Variants in UBA3 observed in about 807,000 individuals in gnomAD.
UBA3 encodes NEDD8-activating enzyme E1 catalytic subunit.
Under a neutral mutation model 73.5 loss-of-function variants are expected in UBA3, and 26 were observed. The ratio of observed to expected loss-of-function variants is 0.35; its 90% CI spans 0.26 to 0.49. The LOEUF is 0.49. Among genes scored for constraint, UBA3 ranks in the 20% least tolerant of loss-of-function variants. The pLI is 0.98. For missense variants in UBA3, 495 were observed against 555.6 expected (o/e 0.89, Z 1.10); for synonymous variants, 217 against 191.2 (o/e 1.13, Z -1.11).
At chr3:69,059,589 A>T (rs1056805089) in intron 11 of UBA3, among the ~76,000 whole-genome samples, 1 of 152,180 alleles carries the variant, frequency 6.6e-6, no homozygotes, top group Admixed American at 6.5e-5. Context: ...CGGGAGTATT[A>T]AAGCTCTAAG....
At position 69,055,293 on chromosome 3, in the gene UBA3, G is replaced by T. The variant is rs2091963369; in HGVS notation, c.*144C>A. 1 of 491,440 alleles carries T rather than the reference G, an allele frequency of 2.0e-6. No homozygotes were observed. Among genetic ancestry groups the T allele is most frequent in the Non-Finnish European group, 3.5e-6 (1 of 285,454 alleles). 30.4% of individuals were successfully genotyped at this position (491,440 alleles called of 1,614,324 possible). A position where few individuals can be genotyped will look rare whatever the true frequency, so the allele number is the denominator to read the frequency against. On this transcript the variant is annotated 3_prime_UTR_variant, in exon 18 of 18. Coordinates refer to ENST00000361055, the MANE Select transcript of UBA3 (RefSeq NM_003968.4). Reference sequence around the variant, plus strand: ...ACCAAAATTCTGTCTTCAAGGGAAGGTTACAAAGTTAAAAAAGAGTGGTTC... The same window carrying T: ...ACCAAAATTCTGTCTTCAAGGGAAGTTTACAAAGTTAAAAAAGAGTGGTTC...
chr3:69,056,088 T>G, intron 15 of UBA3, 25 bp from the exon 16 acceptor site: 1 of 1,575,812 alleles, frequency 6.3e-7, no homozygotes, highest in Non-Finnish European at 8.6e-7. Context: ...GAGAGAGAAG[T>G]ATCAAACATA....
At chr3:69,056,550 A>C in intron 14 of UBA3, 62 bp downstream of exon 14, 1 of 1,409,074 alleles carries the variant, frequency 7.1e-7, no homozygotes, top group Non-Finnish European at 9.9e-7. Flanking sequence ...TCAAATTTCT[A>C]ACCAATAATA....
intron 8 of UBA3, 88 bp downstream of exon 8, chr3:69,063,351 T>A (rs1016959416): frequency 1.6e-5 from 22 of 1,409,650 alleles, no homozygotes; most frequent in Admixed American, 2.4e-5. Context: ...AAACTCTGAT[T>A]TTTCAAAAAT....
intron 2 of UBA3, among the ~76,000 whole-genome samples, chr3:69,078,171 G>C (rs1041375383): frequency 1.3e-5 from 2 of 151,856 alleles, no homozygotes; most frequent in African/African-American, 2.4e-5. Flanking sequence ...ACATGTTTTT[G>C]GTTTCCTAAA....
At chr3:69,065,554 TG>T (rs1168277240) in intron 6 of UBA3, among the ~76,000 whole-genome samples, 2 of 152,170 alleles carry the variant, frequency 1.3e-5, no homozygotes, top group Non-Finnish European at 2.9e-5. Flanking sequence ...CTGATCTTCC[TG>T]CCTCAGCCTC....
rs145973957 is a variant in UBA3 at position 69,065,663 on chromosome 3, A to G, written c.429-1552T>C. 2.1e-3 allele frequency among the ~76,000 whole-genome samples: 316 copies of G among 152,268 alleles called. 1 individual carries two copies. The highest frequency in any genetic ancestry group is 7.4e-3 in the African/African-American group (309 of 41,536). On this transcript the variant is annotated intron_variant, in intron 6 of 17. Transcript: ENST00000361055. ...TCATTTGTTGCCTAGGCTGTTCTCAAACAACCAGGCTCAAGTGATCTTCCC... is the reference window on the plus strand; with the variant it reads ...TCATTTGTTGCCTAGGCTGTTCTCAGACAACCAGGCTCAAGTGATCTTCCC...
At chr3:69,064,937 G>A (rs999485787) in intron 6 of UBA3, among the ~76,000 whole-genome samples, 6 of 152,118 alleles carry the variant, frequency 3.9e-5, no homozygotes, top group Non-Finnish European at 7.4e-5. Context: ...ATAGAAAAAA[G>A]GGACAATACA....
chr3:69,070,801 C>A (rs2092115994), intron 5 of UBA3, among the ~76,000 whole-genome samples: 1 of 152,006 alleles, frequency 6.6e-6, no homozygotes, highest in Admixed American at 6.5e-5. Flanking sequence ...CACAGGTGCA[C>A]ACCCGGCTAA....
chr3:69,055,926 A>C (rs375395014), intron 16 of UBA3, 21 bp from the exon 17 acceptor site: 2 of 1,605,496 alleles, frequency 1.2e-6, no homozygotes, highest in African/African-American at 2.7e-5. Flanking sequence ...AAATTACTTT[A>C]ATGTAAGACA....
intron 6 of UBA3, among the ~76,000 whole-genome samples, chr3:69,065,289 T>C (rs538024754): frequency 1.3e-5 from 2 of 152,196 alleles, no homozygotes; most frequent in Admixed American, 1.3e-4. Flanking sequence ...ATTTGCATTT[T>C]TAAGCTCTTT....
chr3:69,055,654 A>G, intron 17 of UBA3, 129 bp from the exon 18 acceptor site: 1 of 879,018 alleles, frequency 1.1e-6, no homozygotes, highest in Non-Finnish European at 1.7e-6. Flanking sequence ...TAATCAAAGT[A>G]ATATTTGATT....
At chr3:69,077,748 T>A in intron 3 of UBA3, 50 bp downstream of exon 3, 1 of 1,517,768 alleles carries the variant, frequency 6.6e-7, no homozygotes, top group African/African-American at 1.4e-5. Flanking sequence ...TCTATTAGTT[T>A]TGAAACATAA....
Position 69,061,741 on chromosome 3 carries a change from C to G in UBA3, c.910+73G>C, listed in dbSNP as rs113630852. 8 of 937,790 alleles carry G rather than the reference C, an allele frequency of 8.5e-6. No individual in the cohort carries two copies. The East Asian group carries it at 1.7e-4, about 20-fold the overall frequency. The allele number at this position is 937,790 out of a possible 1,614,324, so 58.1% of individuals were successfully genotyped here. ...GATGGTACTGTCTAAACTCACTTAT[C>G]GATTATTCTCCTGAAAGCATCCCAG... On this transcript the variant is annotated intron_variant, in intron 11 of 17. Transcript: ENST00000361055.
chr3:69,072,930 G>A (rs184237465), intron 4 of UBA3, among the ~76,000 whole-genome samples: 63 of 152,212 alleles, frequency 4.1e-4, no homozygotes, highest in Non-Finnish European at 6.6e-4. Flanking sequence ...AGCTAATCCT[G>A]TTGATTCCAT....
Position 69,061,881 on chromosome 3 carries a change from A to T in UBA3, c.843T>A (p.Ile281=), listed in dbSNP as rs151227163. Residue 281 remains isoleucine, a synonymous_variant, in exon 11 of 18, where the codon ATT becomes ATA. Transcript: ENST00000361055. ...DGDDPEHIQW[I]FQKSLERASQ... Reference sequence around the variant, plus strand: ...ATGCTCTCTCTAGGGATTTTTGGAAAATCCATTGTATATGTTCAGGATCAT... The same window carrying T: ...ATGCTCTCTCTAGGGATTTTTGGAATATCCATTGTATATGTTCAGGATCAT... 7.4e-6 allele frequency: 12 copies of T among 1,612,090 alleles called. No individual in the cohort carries two copies. The highest frequency in any genetic ancestry group is 5.3e-5 in the African/African-American group (4 of 74,880).
intron 4 of UBA3, among the ~76,000 whole-genome samples, chr3:69,072,704 T>C (rs932350477): frequency 6.6e-5 from 10 of 152,238 alleles, no homozygotes; most frequent in African/African-American, 9.6e-5. Flanking sequence ...TTGTAAGATA[T>C]AGACCATCTA....
chr3:69,062,933 A>G (rs1024780072), intron 9 of UBA3, 49 bp downstream of exon 9: 18 of 1,599,734 alleles, frequency 1.1e-5, no homozygotes, highest in Non-Finnish European at 1.5e-5. Context: ...TTAATCCCTA[A>G]TTCCATGCCA....
chr3:69,060,708 T>A (rs2092014355), intron 11 of UBA3, among the ~76,000 whole-genome samples: 1 of 152,082 alleles, frequency 6.6e-6, no homozygotes, highest in Non-Finnish European at 1.5e-5. Flanking sequence ...TGATCCCCAG[T>A]GTTGGAGGTG....
Sources: allele counts gnomAD v4.1 joint callset (sites outside exome capture counted in the v4.1 genomes callset), GRCh38; gene constraint gnomAD v4.1.1; transcripts MANE v1.5; gene names NCBI Gene and HGNC (gene_info 2026-07-23, HGNC 2026-07-21).